Variants in EFCAB11 observed in about 807,000 individuals in gnomAD.
EFCAB11 encodes the protein EF-hand calcium-binding domain-containing protein 11.
A neutral mutation model predicts 23.0 loss-of-function variants in EFCAB11; 14 were observed. That is an observed-to-expected ratio of 0.61 (90% CI 0.40 to 0.95). The LOEUF (loss-of-function observed/expected upper bound fraction) is 0.95, where lower values mean the gene tolerates loss of function less well. EFCAB11 is among the 40% of genes least tolerant of loss of function. The pLI is 0.00. For synonymous variants in EFCAB11, 65 were observed against 66.6 expected, an observed-to-expected ratio of 0.98 and a Z score of 0.11; for missense variants, 198 against 195.8, an observed-to-expected ratio of 1.01 and a Z score of -0.07.
rs147713721 is a variant in EFCAB11 at position 89,938,998 on chromosome 14, G to C, written c.218-6371C>G. Among the ~76,000 whole-genome samples, 313 of 145,596 alleles carry C rather than the reference G, an allele frequency of 2.1e-3. 3 individuals carry two copies. Among genetic ancestry groups the C allele is most frequent in the African/African-American group, 7.6e-3 (299 of 39,524 alleles). On this transcript the variant is annotated intron_variant, in intron 3 of 5. Transcript: ENST00000316738. Reference sequence around the variant, plus strand: ...AAAAAAAAAAAAAAAACCAGTTACAGTAGAATAGAGAAATCTGAACCAATA... The same window carrying C: ...AAAAAAAAAAAAAAAACCAGTTACACTAGAATAGAGAAATCTGAACCAATA...
At chr14:89,856,679 G>A (rs1229761531) in intron 5 of EFCAB11, among the ~76,000 whole-genome samples, 1 of 152,162 alleles carries the variant, frequency 6.6e-6, no homozygotes, top group African/African-American at 2.4e-5. Context: ...TTTCCCTGAT[G>A]ATTAATAATA....
chr14:89,951,753 A>C (rs901241226), intron 2 of EFCAB11, among the ~76,000 whole-genome samples: 1 of 149,950 alleles, frequency 6.7e-6, no homozygotes, highest in African/African-American at 2.5e-5. Context: ...TACTAAAAAC[A>C]CAAAAAAAAA....
intron 5 of EFCAB11, among the ~76,000 whole-genome samples, chr14:89,896,355 A>G (rs1450200222): frequency 2.0e-5 from 3 of 151,898 alleles, no homozygotes; most frequent in Admixed American, 6.6e-5. Context: ...GTGCCACTGC[A>G]CTCCAGCCTG....
chr14:89,831,582 T>C (rs1324667602), intron 5 of EFCAB11, among the ~76,000 whole-genome samples: 1 of 152,242 alleles, frequency 6.6e-6, no homozygotes, highest in Non-Finnish European at 1.5e-5. Context: ...TGTGCATGTA[T>C]ATATTAGTTT....
chr14:89,917,053 CGT>C (rs71107570), intron 5 of EFCAB11, among the ~76,000 whole-genome samples: 28,980 of 136,330 alleles, frequency 0.21, 2,649 homozygotes, highest in Non-Finnish European at 0.26. Flanking sequence ...TGACATGCTT[CGT>C]GTGTGTGTGT....
chr14:89,911,599 G>A (rs1165093634), intron 5 of EFCAB11, among the ~76,000 whole-genome samples: 1 of 152,188 alleles, frequency 6.6e-6, no homozygotes, highest in East Asian at 1.9e-4. Flanking sequence ...AAAGACCCCT[G>A]TAAATACTTC....
At chr14:89,819,457 TCAC>T (rs59304700) in intron 5 of EFCAB11, among the ~76,000 whole-genome samples, 52,502 of 151,432 alleles carry the variant, frequency 0.35, 11,479 homozygotes, top group African/African-American at 0.61. Context: ...TCTCACTTTG[TCAC>T]CTAGGCTGGA....
Position 89,797,235 on chromosome 14 carries a change from C to A in EFCAB11, c.*8G>T. 1 of 1,612,226 alleles carries A rather than the reference C, an allele frequency of 6.2e-7. No individual in the cohort carries two copies. Among genetic ancestry groups the A allele is most frequent in the South Asian group, 1.1e-5 (1 of 90,986 alleles). ...CTCCCCAGAGTTACCAAAAGTAGTT[C>A]ACAATAGTTAGGCTTCCTTCTGTCC... On this transcript the variant is annotated 3_prime_UTR_variant, in exon 6 of 6. Transcript: ENST00000316738.
intron 5 of EFCAB11, among the ~76,000 whole-genome samples, chr14:89,925,893 A>T (rs1180636918): frequency 6.6e-6 from 1 of 151,398 alleles, no homozygotes; most frequent in Admixed American, 6.6e-5. Flanking sequence ...CAGTGGCGTG[A>T]TCTCGGCTCA....
intron 5 of EFCAB11, among the ~76,000 whole-genome samples, chr14:89,917,357 G>A (rs891269668): frequency 1.3e-4 from 20 of 152,170 alleles, no homozygotes; most frequent in African/African-American, 4.8e-4. Context: ...GTCTTTCTGT[G>A]TCTGGCTTCT....
chr14:89,887,855 G>GCATTTTTCT (rs1452663510), intron 5 of EFCAB11, among the ~76,000 whole-genome samples: 1 of 152,106 alleles, frequency 6.6e-6, no homozygotes, highest in Non-Finnish European at 1.5e-5. Context: ...GTTAACACTC[G>GCATTTTTCT]CATTTTTCTT....
At chr14:89,801,517 C>T (rs536274382) in intron 5 of EFCAB11, among the ~76,000 whole-genome samples, 1 of 152,138 alleles carries the variant, frequency 6.6e-6, no homozygotes, top group Non-Finnish European at 1.5e-5. Flanking sequence ...TTGGGAAGTG[C>T]TTCATAATCC....
chr14:89,939,427 G>A (rs774921560), intron 3 of EFCAB11, among the ~76,000 whole-genome samples: 16 of 152,294 alleles, frequency 1.1e-4, no homozygotes, highest in African/African-American at 2.9e-4. Flanking sequence ...AAGATTTCAG[G>A]CACTGACGTG....
At chr14:89,814,318 A>G (rs906233624) in intron 5 of EFCAB11, among the ~76,000 whole-genome samples, 2 of 152,094 alleles carry the variant, frequency 1.3e-5, no homozygotes, top group Non-Finnish European at 2.9e-5. Flanking sequence ...GCTGGGACAA[A>G]GGGCTCTACT....
Position 89,913,821 on chromosome 14 carries a change from A to T in EFCAB11, c.410+17720T>A, listed in dbSNP as rs1457255767. Reference sequence around the variant, plus strand: ...TTATAACTTTGTAAAATAATATTTTAAAAAATATTTAAATTTATCTTTCTT... The same window carrying T: ...TTATAACTTTGTAAAATAATATTTTTAAAAATATTTAAATTTATCTTTCTT... On this transcript the variant is annotated intron_variant, in intron 5 of 5. Transcript: ENST00000316738. 7.2e-5 allele frequency among the ~76,000 whole-genome samples: 11 copies of T among 152,282 alleles called. 1 individual carries two copies. Among genetic ancestry groups the T allele is most frequent in the Admixed American group, 2.0e-4 (3 of 15,294 alleles).
intron 5 of EFCAB11, among the ~76,000 whole-genome samples, chr14:89,888,309 C>T (rs548047963): frequency 1.3e-5 from 2 of 152,288 alleles, no homozygotes; most frequent in East Asian, 1.9e-4. Context: ...CTGTAGTAGG[C>T]TGTTCTTGCA....
rs193131872 is a variant in EFCAB11, at chr14:89,800,974, C to G, written c.411-3650G>C. On this transcript the variant is annotated intron_variant, in intron 5 of 5. Coordinates refer to ENST00000316738, the MANE Select transcript of EFCAB11 (RefSeq NM_145231.4). ...AGGAGAATCACTTGAGCCTGGGAGACGGAGGCTGCAGTGAGCTGAGTTCAC... is the reference window on the plus strand; with the variant it reads ...AGGAGAATCACTTGAGCCTGGGAGAGGGAGGCTGCAGTGAGCTGAGTTCAC... Among the ~76,000 whole-genome samples the G allele has an allele frequency of 1.6e-3, 230 of 148,280 alleles. 3 individuals are homozygous for G. The highest frequency in any genetic ancestry group is 5.5e-3 in the African/African-American group (222 of 40,156).
intron 5 of EFCAB11, among the ~76,000 whole-genome samples, chr14:89,909,463 C>T (rs889551233): frequency 6.6e-6 from 1 of 151,564 alleles, no homozygotes; most frequent in Non-Finnish European, 1.5e-5. Context: ...CCTGTAATCA[C>T]AGCTACTTGG....
At chr14:89,942,554 G>A (rs1270265785) in intron 3 of EFCAB11, among the ~76,000 whole-genome samples, 9 of 152,124 alleles carry the variant, frequency 5.9e-5, no homozygotes, top group Non-Finnish European at 1.3e-4. Context: ...CAGAGAATGA[G>A]GGTTATAATG....
Sources: gnomAD v4.1 joint callset for allele counts (sites outside exome capture counted in the v4.1 genomes callset) on GRCh38, gnomAD v4.1.1 for gene constraint, MANE v1.5 for transcripts, NCBI Gene and HGNC (gene_info 2026-07-23, HGNC 2026-07-21) for gene names.